The following FBLN7 variants were observed in gnomAD, a reference collection of about 807,000 sequenced individuals.
The protein encoded by FBLN7 is fibulin-7.
FBLN7 carries 31 observed loss-of-function variants against 44.0 expected under a neutral mutation model. That is an observed-to-expected ratio of 0.70 (90% CI 0.53 to 0.95). The LOEUF (loss-of-function observed/expected upper bound fraction) is 0.95. Ranked by LOEUF, FBLN7 falls within the 40% of genes least tolerant of loss-of-function variation. The pLI is 0.00. For synonymous variants in FBLN7, 262 were observed against 253.4 expected, an observed-to-expected ratio of 1.03 and a Z score of -0.32; for missense variants, 573 against 618.5, an observed-to-expected ratio of 0.93 and a Z score of 0.78.
intron 1 of FBLN7, among the ~76,000 whole-genome samples, chr2:112,144,141 G>A (rs112026545): frequency 1.1e-4 from 17 of 152,058 alleles, no homozygotes; most frequent in African/African-American, 3.9e-4. Flanking sequence ...ATTCTTGATC[G>A]CTGAAAATGT....
Position 112,179,856 on chromosome 2 carries a change from G to C in FBLN7, c.533-1883G>C, listed in dbSNP as rs1682901092. Among the ~76,000 whole-genome samples, 2 of 152,274 alleles carry C rather than the reference G, an allele frequency of 1.3e-5. 1 individual carries two copies. Among genetic ancestry groups the C allele is most frequent in the South Asian group, 4.1e-4 (2 of 4,824 alleles). The stretch of plus-strand genomic sequence containing the variant: ...AAATCAACTCAAGATGGATTAAAGA[G>C]TTAGATGTAAAATCCAAAACTACAA... On this transcript the variant is annotated intron_variant, in intron 4 of 7. Coordinates refer to ENST00000331203, the MANE Select transcript of FBLN7 (RefSeq NM_153214.3).
chr2:112,161,505 C>T (rs925740997), intron 2 of FBLN7, among the ~76,000 whole-genome samples: 1 of 152,184 alleles, frequency 6.6e-6, no homozygotes, highest in Non-Finnish European at 1.5e-5. Context: ...GTCTTTCCTT[C>T]CTGCCTCAGA....
downstream of FBLN7, among the ~76,000 whole-genome samples, chr2:112,191,661 T>C (rs974438761): frequency 6.6e-6 from 1 of 152,204 alleles, no homozygotes; most frequent in South Asian, 2.1e-4. Flanking sequence ...TCTTCAATTC[T>C]TTGTGTCCTC....
downstream of FBLN7, chr2:112,188,759 A>G (rs1408125423): frequency 6.6e-6 from 1 of 152,170 alleles, no homozygotes; most frequent in Non-Finnish European, 1.5e-5. Context: ...GGTTTCTAAG[A>G]TGGTTTATTC....
chr2:112,173,290 AAAAG>A (rs1186544878), intron 3 of FBLN7, among the ~76,000 whole-genome samples: 1 of 152,218 alleles, frequency 6.6e-6, no homozygotes, highest in East Asian at 1.9e-4. Flanking sequence ...ATATTATAAA[AAAAG>A]AGTAAAATTT....
chr2:112,162,766 A>T (rs1320359), intron 2 of FBLN7, among the ~76,000 whole-genome samples: 71,080 of 151,930 alleles, frequency 0.47, 16,844 homozygotes, highest in Middle Eastern at 0.66. Context: ...TAAGTGCCAG[A>T]TACTGTTCAA....
At chr2:112,197,308 CAGAG>C in the FBLN7 span, among the ~76,000 whole-genome samples, 274 of 111,982 alleles carry the variant, frequency 2.4e-3, 2 homozygotes, top group African/African-American at 7.0e-3. Flanking sequence ...GAGAGAGAGA[CAGAG>C]AGAGAAACAT....
chr2:112,210,273 G>A, the FBLN7 span, among the ~76,000 whole-genome samples: 2 of 151,988 alleles, frequency 1.3e-5, no homozygotes, highest in African/African-American at 4.8e-5. Flanking sequence ...CTGCAGTGGC[G>A]ATGGAGATCG....
At chr2:112,227,425 T>C in the FBLN7 span, among the ~76,000 whole-genome samples, 3 of 152,168 alleles carry the variant, frequency 2.0e-5, no homozygotes, top group African/African-American at 4.8e-5. Flanking sequence ...CTCGGGAGGC[T>C]GAGGCAGGAG....
At chr2:112,212,286 AAC>A in the FBLN7 span, 6 of 152,228 alleles carry the variant, frequency 3.9e-5, no homozygotes, top group Non-Finnish European at 8.8e-5. Context: ...CCTACCTCCT[AAC>A]AGTTAGTCCT....
chr2:112,197,179 A>C, the FBLN7 span, among the ~76,000 whole-genome samples: 1 of 150,360 alleles, frequency 6.7e-6, no homozygotes, highest in African/African-American at 2.4e-5. Context: ...ATGTCTTTGC[A>C]GATGTAATTA....
chr2:112,220,608 G>A, the FBLN7 span, among the ~76,000 whole-genome samples: 5 of 152,126 alleles, frequency 3.3e-5, no homozygotes, highest in Non-Finnish European at 5.9e-5. Context: ...GATCACCTGA[G>A]CTCGGGAGTT....
the FBLN7 span, among the ~76,000 whole-genome samples, chr2:112,195,883 T>C: frequency 6.6e-6 from 1 of 152,152 alleles, no homozygotes; most frequent in Non-Finnish European, 1.5e-5. Context: ...ATTAGCAAAT[T>C]TGGCCTAATA....
chr2:112,222,198 C>T, the FBLN7 span, among the ~76,000 whole-genome samples: 2 of 152,150 alleles, frequency 1.3e-5, no homozygotes, highest in Non-Finnish European at 2.9e-5. Flanking sequence ...GTCCATGGGG[C>T]TCTCCCTCAG....
At chr2:112,240,831 A>G in the FBLN7 span, among the ~76,000 whole-genome samples, 2 of 152,302 alleles carry the variant, frequency 1.3e-5, no homozygotes, top group African/African-American at 4.8e-5. Context: ...TTTAAAAAGC[A>G]TACGAACATG....
Position 112,182,807 on chromosome 2 carries a change from G to A in FBLN7, c.687G>A (p.Glu229=), listed in dbSNP as rs1683069347. The A allele has an allele frequency of 6.2e-7, 1 of 1,606,884 alleles. No homozygotes were observed. Among genetic ancestry groups the A allele is most frequent in the Admixed American group, 1.7e-5 (1 of 58,660 alleles). The part of the protein sequence containing the change: ...DSVCQDVNEC[E]LYGQEGRPRL... Reference sequence around the variant, plus strand: ...TGTCTGCAGACGTGAACGAGTGTGAGCTCTACGGGCAGGAGGGGCGCCCCC... The same window carrying A: ...TGTCTGCAGACGTGAACGAGTGTGAACTCTACGGGCAGGAGGGGCGCCCCC... Residue 229 remains glutamate, a synonymous_variant, in exon 6 of 8, where the codon GAG becomes GAA. Coordinates refer to ENST00000331203, the MANE Select transcript of FBLN7 (RefSeq NM_153214.3).
At chr2:112,173,205 G>C (rs1682564008) in intron 3 of FBLN7, among the ~76,000 whole-genome samples, 1 of 152,180 alleles carries the variant, frequency 6.6e-6, no homozygotes. Context: ...GAGTCATGAA[G>C]TTAGCAAAGC....
the FBLN7 span, among the ~76,000 whole-genome samples, chr2:112,221,631 C>T: frequency 4.6e-5 from 7 of 152,016 alleles, no homozygotes; most frequent in Admixed American, 4.6e-4. Flanking sequence ...CTCTGAGATT[C>T]CTTCTTCAGC....
chr2:112,185,426 TAC>T (rs1683223956), intron 7 of FBLN7, 87 bp downstream of exon 7: 2 of 1,510,706 alleles, frequency 1.3e-6, no homozygotes, highest in African/African-American at 2.8e-5. Context: ...TGGGAGAAGG[TAC>T]AGTTATACCA....
Sources: gnomAD v4.1 joint callset for allele counts (sites outside exome capture counted in the v4.1 genomes callset) on GRCh38, gnomAD v4.1.1 for gene constraint, MANE v1.5 for transcripts, NCBI Gene and HGNC (gene_info 2026-07-23, HGNC 2026-07-21) for gene names.